The following SSBP2 variants were observed in gnomAD, a reference collection of about 807,000 sequenced individuals.
SSBP2 encodes single-stranded DNA-binding protein 2.
SSBP2 carries 17 observed loss-of-function variants against 61.8 expected under a neutral mutation model. That is an observed-to-expected ratio of 0.28 (90% CI 0.19 to 0.41). SSBP2 has a LOEUF of 0.41. SSBP2 is among the 10% of genes least tolerant of loss of function. The probability of loss-of-function intolerance (pLI) is 1.00; values close to 1 mark genes in which losing one functional copy is unlikely to be tolerated. For synonymous variants in SSBP2, 139 were observed against 141.3 expected, an observed-to-expected ratio of 0.98 and a Z score of 0.12; for missense variants, 310 against 458.7, an observed-to-expected ratio of 0.68 and a Z score of 2.96.
chr5:81,436,376 GAAA>G (rs550272592), intron 15 of SSBP2, among the ~76,000 whole-genome samples: 6 of 149,170 alleles, frequency 4.0e-5, no homozygotes, highest in African/African-American at 1.5e-4. Flanking sequence ...TCTATTTTTA[GAAA>G]AAAAAAGACC....
chr5:81,611,476 G>A (rs1011874172), intron 4 of SSBP2, among the ~76,000 whole-genome samples: 32 of 152,026 alleles, frequency 2.1e-4, no homozygotes, highest in African/African-American at 7.0e-4. Context: ...TATTTTCTAT[G>A]ATTTCTACAT....
intron 4 of SSBP2, among the ~76,000 whole-genome samples, chr5:81,581,648 T>C (rs969810291): frequency 5.4e-4 from 83 of 152,310 alleles, no homozygotes; most frequent in African/African-American, 1.9e-3. Flanking sequence ...TTAAAGTATA[T>C]GAGTTTATGA....
chr5:81,647,760 G>A (rs1379490009), intron 2 of SSBP2, among the ~76,000 whole-genome samples: 1 of 152,038 alleles, frequency 6.6e-6, no homozygotes, highest in Non-Finnish European at 1.5e-5. Context: ...ACAAATACTT[G>A]TCAATATGTG....
chr5:81,427,961 C>T (rs1192515695), intron 16 of SSBP2, among the ~76,000 whole-genome samples: 2 of 152,284 alleles, frequency 1.3e-5, no homozygotes, highest in Admixed American at 6.5e-5. Flanking sequence ...TGAGAAAAGG[C>T]ACCATTTTGT....
intron 1 of SSBP2, among the ~76,000 whole-genome samples, chr5:81,684,116 T>C (rs435901): frequency 0.33 from 50,397 of 152,074 alleles, 8,777 homozygotes; most frequent in Middle Eastern, 0.57. Flanking sequence ...CTCAAAAAAC[T>C]GAAAACTTAT....
At chr5:81,588,504 C>T (rs1775246899) in intron 4 of SSBP2, among the ~76,000 whole-genome samples, 1 of 151,868 alleles carries the variant, frequency 6.6e-6, no homozygotes, top group African/African-American at 2.4e-5. Flanking sequence ...GACAATTCAG[C>T]CAAGATGTTC....
chr5:81,643,566 G>T (rs1581236491), intron 2 of SSBP2, among the ~76,000 whole-genome samples: 1 of 140,098 alleles, frequency 7.1e-6, no homozygotes, highest in Non-Finnish European at 1.6e-5. Context: ...TGTAAAAAAA[G>T]TTGAAATTGA....
intron 6 of SSBP2, among the ~76,000 whole-genome samples, chr5:81,481,314 AAT>A (rs1407374578): frequency 2.0e-5 from 3 of 152,136 alleles, no homozygotes; most frequent in African/African-American, 7.2e-5. Flanking sequence ...AGCTTTATGG[AAT>A]ATATTTCTTA....
intron 1 of SSBP2, among the ~76,000 whole-genome samples, chr5:81,674,004 A>G (rs1751779443): frequency 6.6e-6 from 1 of 152,136 alleles, no homozygotes; most frequent in Non-Finnish European, 1.5e-5. Flanking sequence ...GAACCAGATA[A>G]CCTTTAAAAT....
At position 81,581,910 on chromosome 5, in the gene SSBP2, C is replaced by T. The variant is rs551850577; in HGVS notation, c.282+33563G>A. On this transcript the variant is annotated intron_variant, in intron 4 of 16. Transcript: ENST00000320672. ...ATAATTCTAACTAAAAATATAAAAA[C>T]ATTCAGAAATTTAGATTTAAAGCTT... 9.9e-5 allele frequency among the ~76,000 whole-genome samples: 15 copies of T among 152,176 alleles called. No homozygotes were observed. In the South Asian group the frequency reaches 3.1e-3, roughly 32 times the overall value.
rs755194623 is a variant in SSBP2 at position 81,412,931 on chromosome 5, C to G, written c.*7573G>C. 1 of 152,028 alleles carries G rather than the reference C, an allele frequency of 6.6e-6. No individual in the cohort carries two copies. The highest frequency in any genetic ancestry group is 1.5e-5 in the Non-Finnish European group (1 of 67,992). 9.4% of individuals were successfully genotyped at this position (152,028 alleles called of 1,614,324 possible). ...CAGCCATTGATATATGCATTGTAGCCTCTTCTTCCATGCATATAGATCCTT... is the reference window on the plus strand; with the variant it reads ...CAGCCATTGATATATGCATTGTAGCGTCTTCTTCCATGCATATAGATCCTT... On this transcript the variant is annotated 3_prime_UTR_variant, in exon 17 of 17. Transcript: ENST00000320672.
At chr5:81,548,446 G>A (rs1408502537) in intron 4 of SSBP2, among the ~76,000 whole-genome samples, 1 of 152,124 alleles carries the variant, frequency 6.6e-6, no homozygotes, top group African/African-American at 2.4e-5. Flanking sequence ...AGAAATATAT[G>A]TTCAGACAGC....
intron 4 of SSBP2, among the ~76,000 whole-genome samples, chr5:81,539,506 T>G (rs1397631949): frequency 1.3e-5 from 2 of 152,244 alleles, no homozygotes; most frequent in African/African-American, 4.8e-5. Flanking sequence ...GAAGTTCTAC[T>G]GTGGGTCAAA....
chr5:81,424,450 TAAAA>T (rs964664502), intron 16 of SSBP2, among the ~76,000 whole-genome samples: 4 of 151,458 alleles, frequency 2.6e-5, no homozygotes, highest in Admixed American at 1.3e-4. Flanking sequence ...AATAAATAAA[TAAAA>T]AGAAAGAAAA....
chr5:81,663,532 T>C (rs764449784), intron 1 of SSBP2, among the ~76,000 whole-genome samples: 3 of 152,190 alleles, frequency 2.0e-5, no homozygotes, highest in African/African-American at 4.8e-5. Flanking sequence ...TTTCAGAAAA[T>C]GTACTATATA....
intron 4 of SSBP2, among the ~76,000 whole-genome samples, chr5:81,607,182 T>C (rs1744963909): frequency 1.3e-5 from 2 of 152,134 alleles, no homozygotes; most frequent in Non-Finnish European, 1.5e-5. Context: ...TCCCTTCTCA[T>C]ATCTATCTTA....
At chr5:81,646,611 CTTTT>C (rs56787398) in intron 2 of SSBP2, among the ~76,000 whole-genome samples, 8 of 131,940 alleles carry the variant, frequency 6.1e-5, no homozygotes, top group Non-Finnish European at 4.8e-5. Flanking sequence ...TTACATTCTC[CTTTT>C]TTTTTTTTTT....
intron 4 of SSBP2, among the ~76,000 whole-genome samples, chr5:81,540,283 G>A (rs1771160256): frequency 6.6e-6 from 1 of 152,150 alleles, no homozygotes; most frequent in African/African-American, 2.4e-5. Context: ...GGGACAAATG[G>A]TATTTCTGGT....
chr5:81,672,346 A>G (rs1375319538), intron 1 of SSBP2, among the ~76,000 whole-genome samples: 2 of 152,312 alleles, frequency 1.3e-5, no homozygotes, highest in South Asian at 2.1e-4. Context: ...AACCAAAATC[A>G]TAAGCAAATA....
Sources: allele counts gnomAD v4.1 joint callset (sites outside exome capture counted in the v4.1 genomes callset), GRCh38; gene constraint gnomAD v4.1.1; transcripts MANE v1.5; gene names NCBI Gene and HGNC (gene_info 2026-07-23, HGNC 2026-07-21).